The following PPEF2 variants were observed in gnomAD, a reference collection of about 807,000 sequenced individuals.
PPEF2 encodes protein phosphatase with EF-hand domain 2.
PPEF2 carries 84 observed loss-of-function variants against 84.7 expected under a neutral mutation model. That is an observed-to-expected ratio of 0.99 (90% CI 0.83 to 1.19). PPEF2 has a LOEUF of 1.19. PPEF2 is among the 50% of genes most tolerant of loss of function. The pLI, the probability that PPEF2 is intolerant of heterozygous loss-of-function variation, is 0.00. For missense variants in PPEF2, 924 were observed against 937.5 expected, an observed-to-expected ratio of 0.99 and a Z score of 0.19; for synonymous variants, 346 against 345.2, an observed-to-expected ratio of 1.00 and a Z score of -0.03.
At chr4:75,873,524 A>G (rs1724336087) in intron 11 of PPEF2, among the ~76,000 whole-genome samples, 1 of 152,246 alleles carries the variant, frequency 6.6e-6, no homozygotes, top group African/African-American at 2.4e-5. Flanking sequence ...GCGTGCCTAC[A>G]TATTTGTCGA....
chr4:75,875,063 G>C (rs1042851136), intron 11 of PPEF2, among the ~76,000 whole-genome samples: 2 of 151,930 alleles, frequency 1.3e-5, no homozygotes, highest in Non-Finnish European at 2.9e-5. Flanking sequence ...CACCATGCCT[G>C]GCTAATTTTT....
intron 6 of PPEF2, 56 bp from the exon 7 acceptor site, chr4:75,886,954 A>G (rs1724744572): frequency 1.1e-6 from 1 of 948,284 alleles, no homozygotes; most frequent in Non-Finnish European, 1.6e-6. Flanking sequence ...AGTGCTTCTG[A>G]TTTTTATTAT....
intron 8 of PPEF2, 56 bp downstream of exon 8, chr4:75,884,538 C>G: frequency 6.8e-7 from 1 of 1,470,386 alleles, no homozygotes; most frequent in Non-Finnish European, 9.1e-7. Flanking sequence ...GGAGAAATAA[C>G]ATTTTACAAT....
intron 1 of PPEF2, among the ~76,000 whole-genome samples, chr4:75,898,371 A>G (rs1725054194): frequency 6.6e-6 from 1 of 152,204 alleles, no homozygotes; most frequent in Non-Finnish European, 1.5e-5. Context: ...TCTGTGCTTT[A>G]ACTACCATGA....
intron 8 of PPEF2, 71 bp downstream of exon 8, chr4:75,884,523 G>A: frequency 1.4e-6 from 2 of 1,440,656 alleles, no homozygotes; most frequent in Non-Finnish European, 1.9e-6. Flanking sequence ...CAAATAAGAA[G>A]TTCTGGAGAA....
chr4:75,890,691 G>A (rs1008390362), intron 4 of PPEF2, among the ~76,000 whole-genome samples: 1 of 151,998 alleles, frequency 6.6e-6, no homozygotes. Context: ...AGAAATTTAG[G>A]GACCTGGATT....
At chr4:75,896,643 C>T (rs1280590110) in intron 1 of PPEF2, among the ~76,000 whole-genome samples, 3 of 152,190 alleles carry the variant, frequency 2.0e-5, no homozygotes, top group African/African-American at 7.2e-5. Flanking sequence ...TCATCCGCCA[C>T]CTCCTCCTCC....
chr4:75,863,470 A>G (rs1724055026), intron 16 of PPEF2, among the ~76,000 whole-genome samples: 1 of 148,620 alleles, frequency 6.7e-6, no homozygotes, highest in Admixed American at 6.8e-5. Flanking sequence ...ACTGCACTCC[A>G]GCTTGGGTGA....
At chr4:75,864,850 T>G (rs545797288) in intron 15 of PPEF2, among the ~76,000 whole-genome samples, 1 of 152,318 alleles carries the variant, frequency 6.6e-6, no homozygotes, top group East Asian at 1.9e-4. Flanking sequence ...ATGTACATAA[T>G]GAGATATCTT....
chr4:75,864,506 C>T lies in PPEF2; in HGVS notation c.1942G>A (p.Glu648Lys). ...TTGGATCGGTTTCGATACAATGTTT[C>T]CAGCAAACTTGATTGTATGTTCTGC... The part of the protein sequence containing the change: ...SRENIQSSLL[E>K]TLYRNRSNLE... Residue 648 changes from glutamate (E) to lysine (K), a missense_variant, in exon 16 of 17, where the codon GAA (glutamate) becomes AAA (lysine). Transcript: ENST00000286719. 6.2e-7 allele frequency: 1 copy of T among 1,612,724 alleles called. No homozygotes were observed. The highest frequency in any genetic ancestry group is 1.3e-5 in the African/African-American group (1 of 75,004).
At chr4:75,877,136 G>A (rs1724446560) in intron 10 of PPEF2, among the ~76,000 whole-genome samples, 2 of 151,818 alleles carry the variant, frequency 1.3e-5, no homozygotes, top group East Asian at 2.0e-4. Context: ...TTGGGAGTTC[G>A]AGACCAGCCT....
chr4:75,897,842 A>T (rs1725042520), intron 1 of PPEF2, among the ~76,000 whole-genome samples: 2 of 152,296 alleles, frequency 1.3e-5, no homozygotes, highest in Admixed American at 1.3e-4. Flanking sequence ...TCAGTCAGGG[A>T]GACCCTAACC....
At chr4:75,891,756 C>G in intron 3 of PPEF2, 51 bp from the exon 4 acceptor site, 1 of 1,597,964 alleles carries the variant, frequency 6.3e-7, no homozygotes, top group Non-Finnish European at 8.5e-7. Flanking sequence ...GAAAAGAGAA[C>G]CCACAAGTAG....
At chr4:75,871,925 C>A in intron 13 of PPEF2, 100 bp downstream of exon 13, 2 of 1,308,808 alleles carry the variant, frequency 1.5e-6, no homozygotes, top group Non-Finnish European at 2.1e-6. Context: ...TCTGAATTCT[C>A]ACGTAGAATT....
Position 75,884,660 on chromosome 4 carries a change from A to G in PPEF2, c.680T>C (p.Met227Thr), listed in dbSNP as rs1410294779. The change falls in exon 8 of 17, where the codon ATG becomes ACG. Residue 227 changes from methionine (M) to threonine (T), a missense_variant. Transcript: ENST00000286719. ...ATGGAACTCTTTGGGGTAAACCAGC[A>G]TGAAGGCAAAAAGAATCATCAGGAT... ...VEILMILFAFMLVYPKEFHLN... is the reference protein window; with the variant it reads ...VEILMILFAFTLVYPKEFHLN... 5.0e-6 allele frequency: 8 copies of G among 1,613,938 alleles called. No homozygotes were observed. Among genetic ancestry groups the G allele is most frequent in the Non-Finnish European group, 6.8e-6 (8 of 1,179,886 alleles).
At chr4:75,878,949 T>C (rs761247150) in intron 10 of PPEF2, among the ~76,000 whole-genome samples, 2 of 152,186 alleles carry the variant, frequency 1.3e-5, no homozygotes, top group Non-Finnish European at 2.9e-5. Flanking sequence ...CAGACCCTCC[T>C]TGTTAGAAGA....
chr4:75,892,163 C>T (rs151124975), intron 2 of PPEF2, among the ~76,000 whole-genome samples, 185 bp from the exon 3 acceptor site: 76 of 152,306 alleles, frequency 5.0e-4, no homozygotes, highest in African/African-American at 1.8e-3. Flanking sequence ...TGCTTTTCCC[C>T]ATTTCCTGCC....
chr4:75,888,761 A>G (rs1724800425), intron 5 of PPEF2, among the ~76,000 whole-genome samples: 1 of 152,226 alleles, frequency 6.6e-6, no homozygotes, highest in Admixed American at 6.5e-5. Flanking sequence ...ATATAGAGCC[A>G]GAAGCTGACT....
At chr4:75,888,421 C>A (rs1724789894) in intron 5 of PPEF2, 93 bp from the exon 6 acceptor site, 1 of 860,862 alleles carries the variant, frequency 1.2e-6, no homozygotes, top group African/African-American at 1.7e-5. Context: ...ACCCCCATCA[C>A]CTAAGACCCC....
Sources: allele counts gnomAD v4.1 joint callset (sites outside exome capture counted in the v4.1 genomes callset), GRCh38; gene constraint gnomAD v4.1.1; transcripts MANE v1.5; gene names NCBI Gene and HGNC (gene_info 2026-07-23, HGNC 2026-07-21).